The following SYT1 variants were observed in gnomAD, a reference collection of about 807,000 sequenced individuals.
SYT1 encodes synaptotagmin 1.
A neutral mutation model predicts 44.8 loss-of-function variants in SYT1; 8 were observed. The ratio of observed to expected loss-of-function variants is 0.18; its 90% CI spans 0.10 to 0.32. SYT1 has a LOEUF of 0.32. Ranked by LOEUF, SYT1 falls within the 10% of genes least tolerant of loss-of-function variation. The pLI is 1.00. For missense variants in SYT1, 286 were observed against 509.3 expected, an observed-to-expected ratio of 0.56 and a Z score of 4.22; for synonymous variants, 154 against 188.8, an observed-to-expected ratio of 0.82 and a Z score of 1.51.
chr12:79,015,229 TA>T (rs1021555203), intron 2 of SYT1, among the ~76,000 whole-genome samples: 47 of 151,882 alleles, frequency 3.1e-4, no homozygotes, highest in African/African-American at 1.1e-3. Flanking sequence ...AAATAAAAAA[TA>T]AAAAAAGAAA....
At chr12:79,066,478 GA>G (rs149463484) in intron 3 of SYT1, among the ~76,000 whole-genome samples, 13,109 of 138,716 alleles carry the variant, frequency 0.095, 637 homozygotes, top group East Asian at 0.23. Context: ...CTCTTGGTTT[GA>G]AAAAAAAAAT....
intron 2 of SYT1, among the ~76,000 whole-genome samples, chr12:79,036,848 G>A (rs1258762735): frequency 6.6e-6 from 1 of 151,596 alleles, no homozygotes; most frequent in Non-Finnish European, 1.5e-5. Flanking sequence ...TTAATAAACG[G>A]ACCTGTATGC....
At chr12:79,287,393 G>A (rs1879364267) in intron 5 of SYT1, among the ~76,000 whole-genome samples, 1 of 152,062 alleles carries the variant, frequency 6.6e-6, no homozygotes, top group African/African-American at 2.4e-5. Flanking sequence ...AAAATTTCCA[G>A]GCATGTCTTA....
chr12:78,951,379 C>G lies in SYT1; in HGVS notation c.-216-26420C>G, dbSNP rs144342659. ...AACAAATTACACATAGAATCAATAT[C>G]TTCACGTAGTAGTTACCAATATAGT... is the stretch of plus-strand genomic sequence containing the variant. On this transcript the variant is annotated intron_variant, in intron 1 of 10. Transcript: ENST00000261205. Among the ~76,000 whole-genome samples the G allele has an allele frequency of 2.0e-5, 3 of 152,176 alleles. No individual in the cohort carries two copies. The East Asian group carries it at 5.8e-4, about 29-fold the overall frequency.
rs1038808316 is a variant in SYT1, at chr12:79,066,490, T to TA, written c.-18+19139dup. 4.8e-3 allele frequency among the ~76,000 whole-genome samples: 671 copies of TA among 139,736 alleles called. 5 individuals are homozygous for TA. The highest frequency in any genetic ancestry group is 0.011 in the Middle Eastern group (3 of 272). 91.7% of individuals were successfully genotyped at this position (139,736 alleles called of 152,430 possible). A position where few individuals can be genotyped will look rare whatever the true frequency, so the allele number is the denominator to read the frequency against. ...CATCTCTTGGTTTGAAAAAAAAAAT[T>TA]AAAAAAAAAAACAACTCAGTGACAT... On this transcript the variant is annotated intron_variant, in intron 3 of 10. Transcript: ENST00000261205.
At position 79,442,281 on chromosome 12, in the gene SYT1, GTCTCT is replaced by G. The variant is rs1453402762; in HGVS notation, c.929-1791_929-1787del. ...TAGGGAACTTTACAAAACACACAAGGTCTCTGAACCAAAAATCAACATTGGCTGTG... is the reference window on the plus strand; with the variant it reads ...TAGGGAACTTTACAAAACACACAAGGGAACCAAAAATCAACATTGGCTGTG... On this transcript the variant is annotated intron_variant, in intron 9 of 10. Transcript: ENST00000261205. 2.6e-5 allele frequency among the ~76,000 whole-genome samples: 4 copies of G among 152,240 alleles called. No homozygotes were observed. The East Asian group carries it at 7.7e-4, about 29-fold the overall frequency.
intron 1 of SYT1, among the ~76,000 whole-genome samples, chr12:78,882,362 T>TTG (rs1344727225): frequency 7.9e-5 from 12 of 151,890 alleles, no homozygotes; most frequent in African/African-American, 2.9e-4. Flanking sequence ...CTTTCCACAG[T>TTG]GATTGGATCC....
At chr12:78,957,755 T>A (rs1042166069) in intron 1 of SYT1, among the ~76,000 whole-genome samples, 1 of 152,146 alleles carries the variant, frequency 6.6e-6, no homozygotes, top group African/African-American at 2.4e-5. Flanking sequence ...CATTTTTTTT[T>A]AAACCTGGAG....
chr12:78,979,594 A>G (rs1444107936), intron 2 of SYT1, among the ~76,000 whole-genome samples: 3 of 152,126 alleles, frequency 2.0e-5, no homozygotes, highest in African/African-American at 7.2e-5. Context: ...AAAACACCAC[A>G]ATCAAGTTAA....
At chr12:78,974,582 A>G (rs1868672068) in intron 1 of SYT1, among the ~76,000 whole-genome samples, 1 of 151,598 alleles carries the variant, frequency 6.6e-6, no homozygotes, top group African/African-American at 2.4e-5. Flanking sequence ...GACTACAGCC[A>G]CCCGCCACCA....
chr12:79,179,478 G>GAGATATCTATATAGATATAGATATAT (rs1872330451), intron 3 of SYT1, among the ~76,000 whole-genome samples: 2 of 17,980 alleles, frequency 1.1e-4, no homozygotes, highest in Non-Finnish European at 2.7e-4. Flanking sequence ...TATAGATATA[G>GAGATATCTATATAGATATAGATATAT]AGATATAGAT....
At chr12:79,074,936 G>A (rs1876539211) in intron 3 of SYT1, among the ~76,000 whole-genome samples, 1 of 152,048 alleles carries the variant, frequency 6.6e-6, no homozygotes, top group Non-Finnish European at 1.5e-5. Context: ...TGTTTTCCAT[G>A]CAGTAGGAAT....
intron 1 of SYT1, among the ~76,000 whole-genome samples, chr12:78,953,584 G>A (rs561305930): frequency 1.3e-5 from 2 of 152,016 alleles, no homozygotes; most frequent in African/African-American, 4.8e-5. Context: ...TGGAAATAAT[G>A]CACAAGAAGC....
intron 3 of SYT1, among the ~76,000 whole-genome samples, chr12:79,165,419 G>T (rs1338481393): frequency 6.6e-6 from 1 of 151,916 alleles, no homozygotes; most frequent in Non-Finnish European, 1.5e-5. Flanking sequence ...TGTTGCAAAG[G>T]TTTTGTTCAC....
intron 3 of SYT1, among the ~76,000 whole-genome samples, chr12:79,086,841 T>C (rs1424295980): frequency 1.3e-5 from 2 of 152,186 alleles, no homozygotes; most frequent in Non-Finnish European, 2.9e-5. Flanking sequence ...GAAAAACTAA[T>C]GCATGGCCGG....
chr12:78,900,759 T>C (rs1442372995), intron 1 of SYT1, among the ~76,000 whole-genome samples: 2 of 152,268 alleles, frequency 1.3e-5, no homozygotes, highest in Non-Finnish European at 1.5e-5. Context: ...GTACTATTTA[T>C]AATTTTAGAA....
At chr12:78,986,534 T>C (rs562110198) in intron 2 of SYT1, among the ~76,000 whole-genome samples, 27 of 152,090 alleles carry the variant, frequency 1.8e-4, no homozygotes, top group African/African-American at 6.5e-4. Flanking sequence ...TAATTAACAA[T>C]TATATCTCCA....
intron 8 of SYT1, among the ~76,000 whole-genome samples, chr12:79,349,063 AG>A (rs1882770287): frequency 2.0e-5 from 2 of 102,372 alleles, no homozygotes; most frequent in African/African-American, 4.2e-5. Flanking sequence ...GAAAGGAGGG[AG>A]GGAGGGAGGG....
At chr12:79,329,408 T>G (rs554955005) in intron 8 of SYT1, among the ~76,000 whole-genome samples, 1 of 152,342 alleles carries the variant, frequency 6.6e-6, no homozygotes, top group South Asian at 2.1e-4. Flanking sequence ...TATAAGTGTC[T>G]GCTATGTGCC....
Sources: gnomAD v4.1 joint callset for allele counts (sites outside exome capture counted in the v4.1 genomes callset) on GRCh38, gnomAD v4.1.1 for gene constraint, MANE v1.5 for transcripts, NCBI Gene and HGNC (gene_info 2026-07-23, HGNC 2026-07-21) for gene names.